The following GLP2R variants were observed in gnomAD, a reference collection of about 807,000 sequenced individuals.
GLP2R encodes glucagon-like peptide 2 receptor.
In GLP2R, 59 loss-of-function variants were observed where a neutral mutation model predicts 68.2. The observed-to-expected ratio is 0.87, with a 90% confidence interval of 0.70 to 1.07. The LOEUF (loss-of-function observed/expected upper bound fraction) is 1.07, where lower values mean the gene tolerates loss of function less well. GLP2R is among the 50% of genes least tolerant of loss of function. The pLI is 0.00. For missense variants in GLP2R, 548 were observed against 677.4 expected (o/e 0.81, Z 2.12); for synonymous variants, 270 against 265.4 (o/e 1.02, Z -0.17).
At chr17:9,850,541 C>T (rs1008188284) in intron 4 of GLP2R, among the ~76,000 whole-genome samples, 6 of 152,130 alleles carry the variant, frequency 3.9e-5, no homozygotes, top group African/African-American at 1.4e-4. Flanking sequence ...TGTTTCTATA[C>T]CAACTCCCTT....
chr17:9,848,892 TGTGC>T lies in GLP2R; in HGVS notation c.505-5601_505-5598del, dbSNP rs748850054. Among the ~76,000 whole-genome samples, 662 of 146,118 alleles carry T rather than the reference TGTGC, an allele frequency of 4.5e-3. 4 individuals carry two copies. The highest frequency in any genetic ancestry group is 0.011 in the African/African-American group (436 of 40,044). On this transcript the variant is annotated intron_variant, in intron 4 of 12. Transcript: ENST00000262441. ...TTGTGTGTGTGTGTGTGTGTGTGTG[TGTGC>T]GCTCACATAAGCATTAACAAGTGTG...
In GLP2R at chr17:9,871,325, G is replaced by A. The variant is rs149034433; in HGVS notation, c.1145+490G>A. On this transcript the variant is annotated intron_variant, in intron 10 of 12. Coordinates refer to ENST00000262441, the MANE Select transcript of GLP2R (RefSeq NM_004246.3). ...GCCATGATTGTGCCACTGCACTCCA[G>A]CCTGGGTGACCCTGTCTCAAAAAAA... 3.3e-5 allele frequency among the ~76,000 whole-genome samples: 5 copies of A among 149,802 alleles called. No individual in the cohort carries two copies. The East Asian group carries it at 9.8e-4, about 29-fold the overall frequency.
chr17:9,848,867 T>TTGTGTGTGTGTGTGTGTG (rs144324194), intron 4 of GLP2R, among the ~76,000 whole-genome samples: 4 of 139,422 alleles, frequency 2.9e-5, no homozygotes, highest in African/African-American at 1.0e-4. Context: ...TTAAAGGAGA[T>TTGTGTGTGTGTGTGTGTG]TGTGTGTGTG....
At chr17:9,838,720 G>T (rs2066756899) in intron 3 of GLP2R, among the ~76,000 whole-genome samples, 1 of 152,256 alleles carries the variant, frequency 6.6e-6, no homozygotes, top group Non-Finnish European at 1.5e-5. Context: ...CCGCCATTCT[G>T]TGCATTAAAT....
chr17:9,832,719 A>G (rs1362752979), intron 1 of GLP2R, among the ~76,000 whole-genome samples: 1 of 148,264 alleles, frequency 6.7e-6, no homozygotes, highest in Admixed American at 6.7e-5. Context: ...CAACAGAGTG[A>G]GGAGAACTTG....
chr17:9,865,822 CTG>C (rs1371584327), intron 9 of GLP2R: 2 of 471,050 alleles, frequency 4.2e-6, no homozygotes, highest in Non-Finnish European at 8.8e-6. Context: ...CTATTGTTGT[CTG>C]TGTCTACAGG....
Position 9,885,148 on chromosome 17 carries a change from T to TTTATTATTA in GLP2R, c.1285-2753_1285-2745dup, listed in dbSNP as rs3073992. On this transcript the variant is annotated intron_variant, in intron 11 of 12. Coordinates refer to ENST00000262441, the MANE Select transcript of GLP2R (RefSeq NM_004246.3). ...CTTCATGGCTTAAAATAGTAACCATTTTATTATTATTATTATTATTATTAT... is the reference window on the plus strand; with the variant it reads ...CTTCATGGCTTAAAATAGTAACCATTTTATTATTATTATTATTATTATTATTATTATTAT... Among the ~76,000 whole-genome samples the TTTATTATTA allele has an allele frequency of 4.2e-3, 608 of 143,350 alleles. 1 individual carries two copies. Among genetic ancestry groups the TTTATTATTA allele is most frequent in the South Asian group, 5.7e-3 (25 of 4,376 alleles). The allele number at this position is 143,350 out of a possible 152,430, so 94.0% of individuals were successfully genotyped here.
chr17:9,882,386 T>A (rs1371219783), intron 11 of GLP2R, among the ~76,000 whole-genome samples: 1 of 152,170 alleles, frequency 6.6e-6, no homozygotes, highest in Non-Finnish European at 1.5e-5. Flanking sequence ...ACGGGAAGAT[T>A]TGGGGAATGA....
intron 2 of GLP2R, among the ~76,000 whole-genome samples, chr17:9,835,943 G>A (rs1232378077): frequency 2.0e-5 from 3 of 151,604 alleles, no homozygotes; most frequent in Non-Finnish European, 4.4e-5. Context: ...GGAGGCTGAG[G>A]CAGGAGAGTC....
chr17:9,868,924 C>G (rs1008829428), intron 9 of GLP2R, among the ~76,000 whole-genome samples: 4 of 152,190 alleles, frequency 2.6e-5, no homozygotes, highest in Non-Finnish European at 4.4e-5. Context: ...AACGTTTTCT[C>G]TTTATGATGA....
At chr17:9,847,105 G>A (rs1440388994) in intron 4 of GLP2R, among the ~76,000 whole-genome samples, 2 of 152,178 alleles carry the variant, frequency 1.3e-5, no homozygotes, top group Admixed American at 6.5e-5. Context: ...GCACAGTAGC[G>A]CAGCGTTAGA....
At chr17:9,875,761 T>C (rs776351843) in intron 10 of GLP2R, among the ~76,000 whole-genome samples, 24 of 152,338 alleles carry the variant, frequency 1.6e-4, no homozygotes, top group Admixed American at 3.3e-4. Context: ...AGTTCTCTGT[T>C]CTTTGTGGTT....
intron 6 of GLP2R, 70 bp from the exon 7 acceptor site, chr17:9,859,872 C>G (rs1253873677): frequency 2.0e-6 from 2 of 993,052 alleles, no homozygotes; most frequent in East Asian, 6.0e-5. Flanking sequence ...TCTGGGAGGC[C>G]CTTCTCCCCC....
intron 2 of GLP2R, among the ~76,000 whole-genome samples, chr17:9,834,317 G>A (rs989636799): frequency 2.0e-5 from 3 of 152,130 alleles, no homozygotes; most frequent in Admixed American, 6.5e-5. Context: ...GGATGTGGCC[G>A]TCTTTGATAA....
intron 11 of GLP2R, among the ~76,000 whole-genome samples, chr17:9,886,742 G>C (rs2067247007): frequency 1.3e-5 from 2 of 152,140 alleles, no homozygotes; most frequent in African/African-American, 4.8e-5. Flanking sequence ...CTCCAGAAGG[G>C]ACATGCTGAA....
Position 9,860,023 on chromosome 17 carries a change from C to G in GLP2R, c.847C>G (p.Leu283Val), listed in dbSNP as rs140277329. ...ANYLWLLVEG[L>V]YLHTLLEPTV... Reference sequence around the variant, plus strand: ...TTACTTATGGCTGCTGGTTGAAGGCCTCTACCTCCACACGCTGCTGGAGCC... The same window carrying G: ...TTACTTATGGCTGCTGGTTGAAGGCGTCTACCTCCACACGCTGCTGGAGCC... The change falls in exon 7 of 13, where the codon CTC becomes GTC. Residue 283 changes from leucine (L) to valine (V), a missense_variant. Coordinates refer to ENST00000262441, the MANE Select transcript of GLP2R (RefSeq NM_004246.3). 3 of 1,613,712 alleles carry G rather than the reference C, an allele frequency of 1.9e-6. No homozygotes were observed. Among genetic ancestry groups the G allele is most frequent in the Non-Finnish European group, 2.5e-6 (3 of 1,179,902 alleles).
chr17:9,879,291 TAAATAAAATA>T (rs1555574075), intron 10 of GLP2R, among the ~76,000 whole-genome samples: 1,267 of 26,668 alleles, frequency 0.048, 16 homozygotes, highest in Middle Eastern at 0.11. Flanking sequence ...TAAAATAAAA[TAAATAAAATA>T]AAATAAAATA....
chr17:9,860,251 G>T, intron 7 of GLP2R, 150 bp downstream of exon 7: 1 of 699,072 alleles, frequency 1.4e-6, no homozygotes, highest in South Asian at 2.0e-5. Context: ...AGAGGGGTAT[G>T]TGTGTGCACA....
At chr17:9,863,591 G>T (rs1468118016) in intron 9 of GLP2R, among the ~76,000 whole-genome samples, 4 of 152,154 alleles carry the variant, frequency 2.6e-5, no homozygotes, top group Non-Finnish European at 5.9e-5. Context: ...TTAGTACCTT[G>T]GTTCAGACTC....
Sources: gnomAD v4.1 joint callset for allele counts (sites outside exome capture counted in the v4.1 genomes callset) on GRCh38, gnomAD v4.1.1 for gene constraint, MANE v1.5 for transcripts, NCBI Gene and HGNC (gene_info 2026-07-23, HGNC 2026-07-21) for gene names.